Variants in PDE5A observed in about 807,000 individuals in gnomAD.
PDE5A encodes the protein cGMP-specific 3',5'-cyclic phosphodiesterase.
Under a neutral mutation model 110.2 loss-of-function variants are expected in PDE5A, and 67 were observed. The observed-to-expected ratio is 0.61, with a 90% CI of 0.50 to 0.75. The LOEUF is 0.75. Ranked by LOEUF, PDE5A falls within the 30% of genes least tolerant of loss-of-function variation. PDE5A has a pLI of 0.00. For missense variants in PDE5A, 862 were observed against 1,045.1 expected, an observed-to-expected ratio of 0.82 and a Z score of 2.42; for synonymous variants, 328 against 351.2, an observed-to-expected ratio of 0.93 and a Z score of 0.74.
intron 15 of PDE5A, among the ~76,000 whole-genome samples, chr4:119,509,134 G>A (rs753951398): frequency 2.3e-4 from 35 of 151,832 alleles, no homozygotes; most frequent in Admixed American, 1.1e-3. Flanking sequence ...CTGAAAAACC[G>A]TACACTAAAA....
chr4:119,525,785 C>A lies in PDE5A; in HGVS notation c.1633-90G>T. 1 of 1,293,918 alleles carries A rather than the reference C, an allele frequency of 7.7e-7. No individual in the cohort carries two copies. Among genetic ancestry groups the A allele is most frequent in the Non-Finnish European group, 1.1e-6 (1 of 938,182 alleles). 80.2% of individuals were successfully genotyped at this position (1,293,918 alleles called of 1,614,324 possible). ...TTCTTGTTTTGCTGCAGAGAAATAG[C>A]ATATTGTGGCTTTTTTTTCCTTTTT... On this transcript the variant is annotated intron_variant, in intron 11 of 20. Transcript: ENST00000354960. The surrounding 1 kb of genome is among the most constrained non-coding windows in gnomAD (Gnocchi z 4.3).
intron 9 of PDE5A, chr4:119,550,562 A>G (rs1474633532): frequency 6.6e-6 from 1 of 152,184 alleles, no homozygotes; most frequent in Non-Finnish European, 1.5e-5. Flanking sequence ...TTACCTTCAC[A>G]TAAAGTGACA....
chr4:119,504,421 G>C, intron 18 of PDE5A, 115 bp downstream of exon 18: 1 of 720,362 alleles, frequency 1.4e-6, no homozygotes, highest in Non-Finnish European at 2.3e-6. Flanking sequence ...GAACATATAA[G>C]TGTCTTTTTT....
In PDE5A at chr4:119,607,208, C is replaced by T; in HGVS notation, c.242G>A (p.Cys81Tyr). 6.2e-7 allele frequency: 1 copy of T among 1,614,108 alleles called. No individual in the cohort carries two copies. The highest frequency in any genetic ancestry group is 8.5e-7 in the Non-Finnish European group (1 of 1,180,020). Residue 81 changes from cysteine to tyrosine, a missense_variant, in exon 2 of 21, where the codon TGT becomes TAT. Cys to Tyr is a radical substitution (Grantham distance 194). Transcript: ENST00000354960. The stretch of plus-strand genomic sequence containing the variant: ...TGCACGAGGACTCTGCTGCAAGGGA[C>T]AAGAGCAAGATTCGGTGTGGCCTCT... ...GIRGHTESCSCPLQQSPRADN... is the reference protein window; with the variant it reads ...GIRGHTESCSYPLQQSPRADN...
chr4:119,525,594 C>T lies in PDE5A; in HGVS notation c.1734G>A (p.Met578Ile). Reference sequence around the variant, plus strand: ...TCTGCACAAGGTTGAGGTCAGTAAACATCCGAATTGTACACAGTGCTGTTT... The same window carrying T: ...TCTGCACAAGGTTGAGGTCAGTAAATATCCGAATTGTACACAGTGCTGTTT... ...DLETALCTIR[M>I]FTDLNLVQNF... is the part of the protein sequence containing the mutation. The change falls in exon 12 of 21, where the codon ATG becomes ATA. Residue 578 changes from methionine to isoleucine, a missense_variant. Met to Ile is a conservative substitution (Grantham distance 10). Coordinates refer to ENST00000354960, the MANE Select transcript of PDE5A (RefSeq NM_001083.4). The surrounding 1 kb of genome is among the most constrained non-coding windows in gnomAD (Gnocchi z 4.3). 1 of 1,613,162 alleles carries T rather than the reference C, an allele frequency of 6.2e-7. No homozygotes were observed. The highest frequency in any genetic ancestry group is 2.2e-5 in the East Asian group (1 of 44,826).
At chr4:119,537,713 G>C (rs987603760) in intron 11 of PDE5A, among the ~76,000 whole-genome samples, 4 of 151,656 alleles carry the variant, frequency 2.6e-5, no homozygotes, top group African/African-American at 9.7e-5. Context: ...CTCATCGCTT[G>C]AGTCCTGCCT....
At chr4:119,565,952 TATTA>T (rs1010756202) in intron 4 of PDE5A, among the ~76,000 whole-genome samples, 2 of 137,640 alleles carry the variant, frequency 1.5e-5, no homozygotes, top group Non-Finnish European at 3.2e-5. Flanking sequence ...TATTAATTAT[TATTA>T]ATTAATATTA....
intron 4 of PDE5A, among the ~76,000 whole-genome samples, chr4:119,566,170 C>T (rs1471752406): frequency 6.6e-6 from 1 of 151,948 alleles, no homozygotes; most frequent in East Asian, 1.9e-4. Context: ...GTGCCATGAA[C>T]AGAACAGGAG....
chr4:119,626,859 C>G (rs1730365163), intron 1 of PDE5A, among the ~76,000 whole-genome samples: 1 of 152,088 alleles, frequency 6.6e-6, no homozygotes, highest in African/African-American at 2.4e-5. Flanking sequence ...GAGCCTTCCC[C>G]TCTGTCAAAA....
At chr4:119,576,195 T>C (rs1360024133) in intron 3 of PDE5A, among the ~76,000 whole-genome samples, 3 of 152,106 alleles carry the variant, frequency 2.0e-5, no homozygotes, top group African/African-American at 7.2e-5. Flanking sequence ...AGCAAGTCCT[T>C]AGAGACCTAC....
chr4:119,538,634 T>C, intron 11 of PDE5A: 1 of 249,222 alleles, frequency 4.0e-6, no homozygotes, highest in East Asian at 8.6e-5. Context: ...AAACTATAAA[T>C]TGTTTTGTTA....
At chr4:119,537,152 TC>T (rs1451108931) in intron 11 of PDE5A, among the ~76,000 whole-genome samples, 2 of 152,178 alleles carry the variant, frequency 1.3e-5, no homozygotes, top group Non-Finnish European at 2.9e-5. Flanking sequence ...CTAAGAACAT[TC>T]TGCCTCTCTT....
Position 119,553,763 on chromosome 4 carries a change from T to C in PDE5A, c.1200-17A>G, listed in dbSNP as rs1433254403. 3 of 1,268,484 alleles carry C rather than the reference T, an allele frequency of 2.4e-6. No homozygotes were observed. The highest frequency in any genetic ancestry group is 3.5e-6 in the Non-Finnish European group (3 of 866,022). The allele number at this position is 1,268,484 out of a possible 1,614,324, so 78.6% of individuals were successfully genotyped here. ...TCATGTTCCCTGTGAAAATAACAGA[T>C]ATGAGTTCCCTCTGTGCAGTTAAAA... On this transcript the variant is annotated splice_polypyrimidine_tract_variant and intron_variant, in intron 7 of 20. Transcript: ENST00000354960.
chr4:119,514,292 A>G (rs573354866), intron 14 of PDE5A, among the ~76,000 whole-genome samples: 1 of 152,274 alleles, frequency 6.6e-6, no homozygotes, highest in South Asian at 2.1e-4. Context: ...GGGGTGGGAA[A>G]CTATATTGCC....
At chr4:119,518,893 C>G (rs185564114) in intron 14 of PDE5A, 152 bp downstream of exon 14, 1 of 577,880 alleles carries the variant, frequency 1.7e-6, no homozygotes, top group Admixed American at 3.1e-5. Context: ...AAACATAATA[C>G]TTAACCTGCA....
intron 3 of PDE5A, among the ~76,000 whole-genome samples, chr4:119,588,032 C>T (rs923340725): frequency 7.2e-5 from 11 of 152,206 alleles, no homozygotes. Flanking sequence ...CATCTCTCCC[C>T]AGGGATTTCT....
chr4:119,542,734 T>C, intron 9 of PDE5A, 100 bp from the exon 10 acceptor site: 2 of 1,060,698 alleles, frequency 1.9e-6, no homozygotes, highest in East Asian at 2.4e-5. Flanking sequence ...ACTTTTCTCT[T>C]AGGAATGCTT....
chr4:119,499,687 G>A (rs533673842), intron 20 of PDE5A: 2 of 152,026 alleles, frequency 1.3e-5, no homozygotes, highest in South Asian at 2.1e-4. Context: ...GACTACAAGC[G>A]CGTGCCACCA....
intron 2 of PDE5A, among the ~76,000 whole-genome samples, chr4:119,602,824 G>C (rs1367610689): frequency 1.3e-5 from 2 of 152,224 alleles, no homozygotes; most frequent in Non-Finnish European, 2.9e-5. Flanking sequence ...AGGAATAATA[G>C]CTACATGGTC....
Sources: allele counts gnomAD v4.1 joint callset (sites outside exome capture counted in the v4.1 genomes callset), GRCh38; gene constraint gnomAD v4.1.1; non-coding constraint Gnocchi (gnomAD v3.1); transcripts MANE v1.5; gene names NCBI Gene and HGNC (gene_info 2026-07-23, HGNC 2026-07-21).